STRA6: variants seen among roughly 807,000 people sequenced by gnomAD.
The protein encoded by STRA6 is receptor for retinol uptake STRA6.
Under a neutral mutation model 83.6 loss-of-function variants are expected in STRA6, and 48 were observed. That is an observed-to-expected ratio of 0.57 (90% CI 0.46 to 0.73). The LOEUF is 0.73. STRA6 is among the 30% of genes least tolerant of loss of function. STRA6 has a pLI of 0.00. For missense variants in STRA6, 760 were observed against 838.8 expected (o/e 0.91, Z 1.16); for synonymous variants, 353 against 362.3 (o/e 0.97, Z 0.29).
chr15:74,189,476 T>C (rs955452601), intron 11 of STRA6, among the ~76,000 whole-genome samples, 199 bp from the exon 12 acceptor site: 4 of 152,170 alleles, frequency 2.6e-5, no homozygotes, highest in African/African-American at 9.7e-5. Context: ...CACAGCCTAA[T>C]AGGCCAAAGG....
Position 74,189,137 on chromosome 15 carries a change from C to G in STRA6, c.1068G>C (p.Lys356Asn), listed in dbSNP as rs1224938896. The change falls in exon 12 of 19, where the codon AAG becomes AAC. Residue 356 changes from lysine to asparagine, a missense_variant. Coordinates refer to ENST00000395105, the MANE Select transcript of STRA6 (RefSeq NM_022369.4). ...CACCTTCCAGAGCCCACAGATGGTG[C>G]TTCACCAGCTCCACCACCTCCTGCT... is the stretch of plus-strand genomic sequence containing the variant. ...EDKQEVVELV[K>N]HHLWALEVCY... 9 of 1,614,042 alleles carry G rather than the reference C, an allele frequency of 5.6e-6. No homozygotes were observed. The African/African-American group carries it at 1.1e-4, about 19-fold the overall frequency.
chr15:74,191,840 G>A, intron 8 of STRA6: 1 of 411,910 alleles, frequency 2.4e-6, no homozygotes, highest in Non-Finnish European at 4.6e-6. Flanking sequence ...CTGAAACTGG[G>A]GCAAAGGGAA....
chr15:74,189,294 G>GT lies in STRA6; in HGVS notation c.928-18dup. 3.8e-6 allele frequency: 6 copies of GT among 1,581,270 alleles called. No individual in the cohort carries two copies. Among genetic ancestry groups the GT allele is most frequent in the Non-Finnish European group, 5.2e-6 (6 of 1,163,496 alleles). ...CAGGGCCACCTGGAAGAGCCCCACA[G>GT]TGAGGGCCCCATCCCAGGAAAGGGT... On this transcript the variant is annotated splice_polypyrimidine_tract_variant and intron_variant, in intron 11 of 18. Coordinates refer to ENST00000395105, the MANE Select transcript of STRA6 (RefSeq NM_022369.4).
chr15:74,180,771 G>C lies in STRA6; in HGVS notation c.1840+11C>G. Reference sequence around the variant, plus strand: ...AGGCTCTATTCCCCCATTCCCAGTGGGAGGGCGCACCTTCGTCTTCCTCCC... The same window carrying C: ...AGGCTCTATTCCCCCATTCCCAGTGCGAGGGCGCACCTTCGTCTTCCTCCC... On this transcript the variant is annotated intron_variant, in intron 18 of 18. Coordinates refer to ENST00000395105, the MANE Select transcript of STRA6 (RefSeq NM_022369.4). 3.7e-6 allele frequency: 6 copies of C among 1,600,826 alleles called. No homozygotes were observed. Among genetic ancestry groups the C allele is most frequent in the Non-Finnish European group, 5.1e-6 (6 of 1,169,634 alleles).
intron 18 of STRA6, 91 bp from the exon 19 acceptor site, chr15:74,180,334 C>T: frequency 6.6e-7 from 1 of 1,513,954 alleles, no homozygotes; most frequent in Non-Finnish European, 9.1e-7. Flanking sequence ...CTGAAAATCC[C>T]AGGCGTGTGC....
At chr15:74,197,009 T>C (rs914076699) in intron 4 of STRA6, among the ~76,000 whole-genome samples, 2 of 152,176 alleles carry the variant, frequency 1.3e-5, no homozygotes, top group African/African-American at 4.8e-5. Flanking sequence ...ACGGTCAAGA[T>C]GGCATTGGGA....
At chr15:74,202,385 A>T in intron 1 of STRA6, 103 bp from the exon 2 acceptor site, 1 of 1,544,320 alleles carries the variant, frequency 6.5e-7, no homozygotes, top group Non-Finnish European at 8.7e-7. Context: ...ACAAAGAAAC[A>T]TTTCTCTTTA....
Position 74,191,160 on chromosome 15 carries a change from C to G in STRA6, c.865+7G>C, listed in dbSNP as rs778564650. The G allele has an allele frequency of 6.8e-6, 11 of 1,613,922 alleles. No individual in the cohort carries two copies. The highest frequency in any genetic ancestry group is 2.2e-5 in the East Asian group (1 of 44,876). ...GTCACGCTCGGCCTCAGCTCCCAAC[C>G]CCATACCTGGCTGTGGAGTGTAGAT... is the stretch of plus-strand genomic sequence containing the variant. On this transcript the variant is annotated splice_region_variant and intron_variant, in intron 10 of 18. Transcript: ENST00000395105.
intron 8 of STRA6, 104 bp from the exon 9 acceptor site, chr15:74,191,595 A>C: frequency 9.8e-7 from 1 of 1,020,480 alleles, no homozygotes; most frequent in Middle Eastern, 2.1e-4. Context: ...TGCTCCATAA[A>C]AACCTGTTGG....
intron 2 of STRA6, among the ~76,000 whole-genome samples, chr15:74,198,107 CT>C (rs111675537): frequency 4.7e-4 from 69 of 146,200 alleles, no homozygotes; most frequent in African/African-American, 9.5e-4. Flanking sequence ...CACTTATTCT[CT>C]TTTTTTTTTT....
rs773081858 is a variant in STRA6, at chr15:74,191,406, G to T, written c.788+18C>A. On this transcript the variant is annotated intron_variant, in intron 9 of 18. Coordinates refer to ENST00000395105, the MANE Select transcript of STRA6 (RefSeq NM_022369.4). Reference sequence around the variant, plus strand: ...AGCCCAATCCATTGGCCCACAAAGGGTGTGTCAGAGACCCCACCTGCTTCC... The same window carrying T: ...AGCCCAATCCATTGGCCCACAAAGGTTGTGTCAGAGACCCCACCTGCTTCC... The T allele has an allele frequency of 6.2e-6, 10 of 1,613,616 alleles. No homozygotes were observed. The highest frequency in any genetic ancestry group is 4.0e-5 in the African/African-American group (3 of 74,928).
In STRA6 at chr15:74,195,296, G is replaced by C. The variant is rs374631703; in HGVS notation, c.597+6C>G. On this transcript the variant is annotated splice_donor_region_variant and intron_variant, in intron 7 of 18. Coordinates refer to ENST00000395105, the MANE Select transcript of STRA6 (RefSeq NM_022369.4). Reference sequence around the variant, plus strand: ...TCTGCCCTAGGCCATTGTGATCAGCGGTTACCTTGGGCACCTGGGGACACT... The same window carrying C: ...TCTGCCCTAGGCCATTGTGATCAGCCGTTACCTTGGGCACCTGGGGACACT... The C allele has an allele frequency of 7.4e-6, 12 of 1,611,694 alleles. No individual in the cohort carries two copies. Among genetic ancestry groups the C allele is most frequent in the South Asian group, 2.2e-5 (2 of 90,860 alleles).
At chr15:74,202,447 G>A (rs1379192862) in intron 1 of STRA6, 165 bp from the exon 2 acceptor site, 1 of 1,536,156 alleles carries the variant, frequency 6.5e-7, no homozygotes. Flanking sequence ...GCCCGTCTGG[G>A]ACTGAGGGCC....
chr15:74,181,056 A>G, intron 17 of STRA6, 119 bp from the exon 18 acceptor site: 1 of 1,467,960 alleles, frequency 6.8e-7, no homozygotes, highest in Non-Finnish European at 9.3e-7. Context: ...AAGCATGTCG[A>G]CACACCAAGC....
chr15:74,187,926 T>C (rs754938617), intron 12 of STRA6, among the ~76,000 whole-genome samples: 1 of 152,214 alleles, frequency 6.6e-6, no homozygotes, highest in Non-Finnish European at 1.5e-5. Flanking sequence ...ACAGGGTCAC[T>C]GTGAGCAAGG....
intron 16 of STRA6, among the ~76,000 whole-genome samples, chr15:74,181,727 ATCTGAG>A (rs1407991962): frequency 6.6e-6 from 1 of 152,174 alleles, no homozygotes; most frequent in East Asian, 1.9e-4. Flanking sequence ...CTCTAGGTCC[ATCTGAG>A]TCTTTCTATG....
Position 74,189,273 on chromosome 15 carries a change from G to T in STRA6, c.932C>A (p.Ala311Asp), listed in dbSNP as rs770520835. The T allele has an allele frequency of 6.3e-7, 1 of 1,594,272 alleles. No homozygotes were observed. Among genetic ancestry groups the T allele is most frequent in the Non-Finnish European group, 8.5e-7 (1 of 1,170,450 alleles). ...TLTGTAIYQV[A>D]LLLLVGVVPT... ...TACCACGCCCACCAGCAGCAGCAGG[G>T]CCACCTGGAAGAGCCCCACAGTGAG... is the stretch of plus-strand genomic sequence containing the variant. Residue 311 changes from alanine (A) to aspartate (D), a missense_variant, in exon 12 of 19, where the codon GCC becomes GAC. Ala to Asp is a moderately radical substitution (Grantham distance 126). Coordinates refer to ENST00000395105, the MANE Select transcript of STRA6 (RefSeq NM_022369.4).
At chr15:74,202,927 A>G (rs1422333844), upstream of STRA6, 2 of 988,822 alleles carry the variant, frequency 2.0e-6, no homozygotes, top group Non-Finnish European at 2.4e-6. Flanking sequence ...AGGCCCCAGC[A>G]CCATTGGCGG....
At chr15:74,202,474 G>C in intron 1 of STRA6, 192 bp from the exon 2 acceptor site, 1 of 1,536,030 alleles carries the variant, frequency 6.5e-7, no homozygotes, top group South Asian at 1.2e-5. Flanking sequence ...AGCTGGCACG[G>C]GAAGAGGACA....
Sources: gnomAD v4.1 joint callset for allele counts (sites outside exome capture counted in the v4.1 genomes callset) on GRCh38, gnomAD v4.1.1 for gene constraint, MANE v1.5 for transcripts, NCBI Gene and HGNC (gene_info 2026-07-23, HGNC 2026-07-21) for gene names.